Variants in ITPR1 observed in about 807,000 individuals in gnomAD.
The protein encoded by ITPR1 is inositol 1,4,5-trisphosphate receptor type 1, also known as inositol 1,4,5-trisphosphate-gated calcium channel ITPR1.
ITPR1 carries 96 observed loss-of-function variants against 318.4 expected under a neutral mutation model. The ratio of observed to expected loss-of-function variants is 0.30; its 90% confidence interval spans 0.26 to 0.36. ITPR1 has a LOEUF of 0.36. ITPR1 is among the 10% of genes least tolerant of loss of function. The pLI is 1.00. For synonymous variants in ITPR1, 1,312 were observed against 1,289.9 expected (o/e 1.02, Z -0.37); for missense variants, 2,440 against 3,460.2 (o/e 0.71, Z 7.40).
At chr3:4,596,463 A>G (rs1005061419) in intron 4 of ITPR1, among the ~76,000 whole-genome samples, 11 of 152,190 alleles carry the variant, frequency 7.2e-5, no homozygotes, top group Non-Finnish European at 1.6e-4. Context: ...TGCTTTACTA[A>G]TCACTTATTT....
intron 26 of ITPR1, among the ~76,000 whole-genome samples, chr3:4,681,639 G>GTGTGTGTC (rs1478318538): frequency 6.6e-6 from 1 of 151,758 alleles, no homozygotes; most frequent in African/African-American, 2.4e-5. Flanking sequence ...GTGTGTGTGT[G>GTGTGTGTC]TGTGTGTGTG....
intron 40 of ITPR1, among the ~76,000 whole-genome samples, chr3:4,725,304 T>C (rs1262340853): frequency 1.3e-5 from 2 of 152,112 alleles, no homozygotes; most frequent in Admixed American, 1.3e-4. Context: ...TTCTTTCTTA[T>C]CTTAAATGTG....
intron 40 of ITPR1, among the ~76,000 whole-genome samples, chr3:4,725,332 G>C (rs571322055): frequency 2.6e-5 from 4 of 152,018 alleles, no homozygotes; most frequent in Admixed American, 2.0e-4. Context: ...ATCGCAGGTC[G>C]ATTGTCTCCT....
chr3:4,808,859 CCCCCCT>C (rs1177173864), intron 55 of ITPR1, among the ~76,000 whole-genome samples: 1 of 146,678 alleles, frequency 6.8e-6, no homozygotes, highest in African/African-American at 2.4e-5. Context: ...AAACTGCTGC[CCCCCCT>C]CCCCCACAAA....
intron 61 of ITPR1, among the ~76,000 whole-genome samples, chr3:4,845,264 C>T (rs74500379): frequency 0.023 from 3,474 of 152,258 alleles, 129 homozygotes; most frequent in South Asian, 0.18. Flanking sequence ...AATATATATT[C>T]CGTATAGCCT....
intron 44 of ITPR1, among the ~76,000 whole-genome samples, chr3:4,756,305 C>G (rs1488766793): frequency 6.6e-6 from 1 of 151,000 alleles, no homozygotes; most frequent in African/African-American, 2.4e-5. Context: ...GCTTTTATAG[C>G]TAGTGAAATT....
intron 14 of ITPR1, 70 bp from the exon 15 acceptor site, chr3:4,662,012 G>A (rs1291863034): frequency 7.4e-7 from 1 of 1,344,014 alleles, no homozygotes; most frequent in Non-Finnish European, 1.1e-6. Context: ...TCTCGTAAAT[G>A]TAGTGTTTGA....
intron 3 of ITPR1, among the ~76,000 whole-genome samples, chr3:4,519,060 C>G (rs987952436): frequency 6.6e-6 from 1 of 152,070 alleles, no homozygotes; most frequent in Non-Finnish European, 1.5e-5. Flanking sequence ...TCCCTGAGAC[C>G]AACTTTCATT....
At position 4,531,372 on chromosome 3, in the gene ITPR1, C is replaced by T. The variant is rs569715629; in HGVS notation, c.163+10278C>T. ...ACAACATTTCTCACCAAAGTTGCTGCACAGACTCCTCACCTGTTTCTGTAA... is the reference window on the plus strand; with the variant it reads ...ACAACATTTCTCACCAAAGTTGCTGTACAGACTCCTCACCTGTTTCTGTAA... On this transcript the variant is annotated intron_variant, in intron 4 of 61. Transcript: ENST00000649015. Among the ~76,000 whole-genome samples, 68 of 152,320 alleles carry T rather than the reference C, an allele frequency of 4.5e-4. 2 individuals are homozygous for T. Among genetic ancestry groups the T allele is most frequent in the Admixed American group, 4.4e-3 (67 of 15,304 alleles).
Position 4,794,866 on chromosome 3 carries a change from T to A in ITPR1, c.6809-199T>A. On this transcript the variant is annotated intron_variant, in intron 52 of 61. Transcript: ENST00000649015. ...ACCCCCAATACATCTTCTGTTCCAG[T>A]AAGTACTCCACACAGAAATAAACCA... 5.7e-6 allele frequency: 3 copies of A among 528,132 alleles called. No homozygotes were observed. In the South Asian group the frequency reaches 1.1e-4, roughly 20 times the overall value. The allele number at this position is 528,132 out of a possible 1,614,324, so 32.7% of individuals were successfully genotyped here.
chr3:4,596,489 G>A (rs537691339), intron 4 of ITPR1, among the ~76,000 whole-genome samples: 21 of 152,288 alleles, frequency 1.4e-4, no homozygotes, highest in African/African-American at 4.6e-4. Flanking sequence ...TAGCACGGTT[G>A]GAACATGGGG....
At chr3:4,751,729 A>G (rs1285600576) in intron 44 of ITPR1, 1 of 152,158 alleles carries the variant, frequency 6.6e-6, no homozygotes, top group Non-Finnish European at 1.5e-5. Context: ...CCCTCTGAGT[A>G]ACGGGAGGGA....
chr3:4,539,007 C>A (rs1050831938), intron 4 of ITPR1, among the ~76,000 whole-genome samples: 8 of 152,178 alleles, frequency 5.3e-5, no homozygotes, highest in Non-Finnish European at 1.0e-4. Flanking sequence ...AACACATGCA[C>A]ATCCTGCACA....
intron 52 of ITPR1, 178 bp from the exon 53 acceptor site, chr3:4,794,887 A>C: frequency 1.6e-6 from 1 of 638,328 alleles, no homozygotes. Flanking sequence ...CACAGAAATA[A>C]ACCAATCTGA....
chr3:4,633,042 G>A (rs923116803), intron 5 of ITPR1, among the ~76,000 whole-genome samples: 10 of 147,846 alleles, frequency 6.8e-5, no homozygotes, highest in African/African-American at 2.5e-4. Context: ...GGGTTCAAGC[G>A]ATTTCCCTGC....
rs374307600 is a variant in ITPR1 at position 4,563,281 on chromosome 3, G to A, written c.163+42187G>A. Among the ~76,000 whole-genome samples, 30 of 152,294 alleles carry A rather than the reference G, an allele frequency of 2.0e-4. No homozygotes were observed. In the South Asian group the frequency reaches 6.2e-3, roughly 32 times the overall value. On this transcript the variant is annotated intron_variant, in intron 4 of 61. Transcript: ENST00000649015. ...CCAGCACTTCAAAAGGCCAAGGCAG[G>A]AGGATTGCTTGAGCCCAGGAGTTCA...
chr3:4,623,080 TG>T (rs748998966), intron 4 of ITPR1, among the ~76,000 whole-genome samples: 5 of 152,250 alleles, frequency 3.3e-5, no homozygotes, highest in Non-Finnish European at 7.3e-5. Context: ...TTTCTCACTT[TG>T]CTTCTGCCCC....
At chr3:4,695,188 A>G (rs190860668) in intron 33 of ITPR1, among the ~76,000 whole-genome samples, 6 of 152,330 alleles carry the variant, frequency 3.9e-5, no homozygotes, top group Admixed American at 2.0e-4. Flanking sequence ...TGTAATAAGA[A>G]AGCAATGAGA....
intron 44 of ITPR1, among the ~76,000 whole-genome samples, chr3:4,740,043 TCA>T (rs1270342063): frequency 6.6e-6 from 1 of 152,246 alleles, no homozygotes; most frequent in Non-Finnish European, 1.5e-5. Context: ...ATCACTTCTA[TCA>T]CATTCTATTG....
Sources: allele counts gnomAD v4.1 joint callset (sites outside exome capture counted in the v4.1 genomes callset), GRCh38; gene constraint gnomAD v4.1.1; transcripts MANE v1.5; gene names NCBI Gene and HGNC (gene_info 2026-07-23, HGNC 2026-07-21).